The following NACC2 variants were observed in gnomAD, a reference collection of about 807,000 sequenced individuals.
NACC2 encodes the protein NACC family member 2.
NACC2 carries 8 observed loss-of-function variants against 25.1 expected under a neutral mutation model. The ratio of observed to expected loss-of-function variants is 0.32; its 90% confidence interval spans 0.19 to 0.57. The LOEUF is 0.57. NACC2 is among the 20% of genes least tolerant of loss of function. NACC2 has a pLI of 0.89. For missense variants in NACC2, 644 were observed against 650.2 expected (o/e 0.99, Z 0.10); for synonymous variants, 435 against 294.7 (o/e 1.48, Z -4.88).
chr9:136,042,046 G>A (rs1225320340), intron 2 of NACC2, among the ~76,000 whole-genome samples: 1 of 152,124 alleles, frequency 6.6e-6, no homozygotes, highest in Non-Finnish European at 1.5e-5. Context: ...CCAGGCTGGA[G>A]TGCACGATCT....
At chr9:136,071,106 G>A (rs908857367) in intron 1 of NACC2, among the ~76,000 whole-genome samples, 2 of 151,590 alleles carry the variant, frequency 1.3e-5, no homozygotes, top group African/African-American at 4.9e-5. Context: ...GGTGGCTCAT[G>A]CCTGTAATCC....
chr9:136,035,815 GAGC>G (rs1050222816), intron 2 of NACC2, among the ~76,000 whole-genome samples: 2 of 152,158 alleles, frequency 1.3e-5, no homozygotes, highest in African/African-American at 4.8e-5. Context: ...AAGAATGACA[GAGC>G]AGATGTGGTA....
chr9:136,078,967 C>G (rs1423122134), intron 1 of NACC2, among the ~76,000 whole-genome samples: 1 of 152,236 alleles, frequency 6.6e-6, no homozygotes, highest in Non-Finnish European at 1.5e-5. Context: ...GGCATGATGC[C>G]GCGCCGCCGC....
chr9:136,013,165 G>GGCCCC lies in NACC2; in HGVS notation c.1255+33_1255+34insGGGGC. 1.4e-6 allele frequency: 1 copy of GGCCCC among 706,962 alleles called. No individual in the cohort carries two copies. The highest frequency in any genetic ancestry group is 2.6e-6 in the Non-Finnish European group (1 of 391,586). The allele number at this position is 706,962 out of a possible 1,614,324, so 43.8% of individuals were successfully genotyped here. The stretch of plus-strand genomic sequence containing the variant: ...AGGCTGGGATCTGAACCCAGCCCCG[G>GGCCCC]CCCCACCCACCCGAGAGACCCCCAG... On this transcript the variant is annotated intron_variant, in intron 5 of 5. Transcript: ENST00000277554. This position sits in a 1 kb window ranked among gnomAD's most constrained non-coding sequence, Gnocchi z 6.6.
At position 136,016,379 on chromosome 9, in the gene NACC2, T is replaced by G. The variant is rs771779799; in HGVS notation, c.937A>C (p.Ile313Leu). ...GGTAGGGCCACGAGGTCGCGGCGGA[T>G]GAGGACGCAGGAGCGGCTCTCCAGC... The part of the protein sequence containing the change: ...VPLESRSCVL[I>L]RRDLVALPAS... The change falls in exon 3 of 6, where the codon ATC (isoleucine) becomes CTC (leucine). Residue 313 changes from isoleucine (I) to leucine (L), a missense_variant. By Grantham distance (5) the Ile-to-Leu change is conservative. Coordinates refer to ENST00000277554, the MANE Select transcript of NACC2 (RefSeq NM_144653.5). The G allele has an allele frequency of 5.6e-6, 9 of 1,611,510 alleles. No individual in the cohort carries two copies. Among genetic ancestry groups the G allele is most frequent in the South Asian group, 2.2e-5 (2 of 91,014 alleles).
intron 2 of NACC2, among the ~76,000 whole-genome samples, chr9:136,024,098 T>A (rs1840337822): frequency 6.8e-6 from 1 of 147,168 alleles, no homozygotes; most frequent in Non-Finnish European, 1.5e-5. Flanking sequence ...CCAGAGTGTG[T>A]GTGTGTGTGG....
At chr9:136,078,078 T>C (rs1253881565) in intron 1 of NACC2, among the ~76,000 whole-genome samples, 1 of 152,200 alleles carries the variant, frequency 6.6e-6, no homozygotes, top group African/African-American at 2.4e-5. Flanking sequence ...GGCCCAATCA[T>C]ACTTTTATAA....
rs188333959 is a variant in NACC2, at chr9:136,021,710, T to C, written c.887-5281A>G. ...CAGGCTAGACGCAGCCCGGATGTCC[T>C]GCAATGGGCATGCAGATAAAGACAC... On this transcript the variant is annotated intron_variant, in intron 2 of 5. Coordinates refer to ENST00000277554, the MANE Select transcript of NACC2 (RefSeq NM_144653.5). Among the ~76,000 whole-genome samples the C allele has an allele frequency of 1.3e-3, 193 of 152,346 alleles. 2 individuals are homozygous for C. Among genetic ancestry groups the C allele is most frequent in the East Asian group, 4.2e-3 (22 of 5,192 alleles).
intron 5 of NACC2, among the ~76,000 whole-genome samples, chr9:136,012,390 G>A (rs1166742786): frequency 4.6e-5 from 7 of 152,218 alleles, no homozygotes; most frequent in Admixed American, 1.3e-4. Context: ...ACCCCTCCCC[G>A]TCCCAGTCCC....
intron 1 of NACC2, among the ~76,000 whole-genome samples, chr9:136,069,582 AAAAACACCT>A (rs1841127359): frequency 6.6e-6 from 1 of 151,244 alleles, no homozygotes; most frequent in African/African-American, 2.5e-5. Flanking sequence ...ACAAAACAAA[AAAAACACCT>A]CACTTCAAAT....
intron 1 of NACC2, among the ~76,000 whole-genome samples, chr9:136,085,523 AT>A (rs1238980587): frequency 1.3e-5 from 2 of 152,090 alleles, no homozygotes; most frequent in African/African-American, 4.8e-5. Flanking sequence ...AAAGTTTTTA[AT>A]TAAATTTAAA....
intron 2 of NACC2, among the ~76,000 whole-genome samples, chr9:136,021,146 T>C (rs1265906051): frequency 6.6e-6 from 1 of 152,188 alleles, no homozygotes; most frequent in Non-Finnish European, 1.5e-5. Flanking sequence ...ACAAAGGACT[T>C]GTATCTAAAA....
At chr9:136,050,935 G>C (rs1253947409) in intron 1 of NACC2, among the ~76,000 whole-genome samples, 1 of 152,184 alleles carries the variant, frequency 6.6e-6, no homozygotes, top group Admixed American at 6.5e-5. Context: ...GGGCCGCCGG[G>C]GGAGCCTCTG....
chr9:136,076,767 G>A (rs1337894860), intron 1 of NACC2, among the ~76,000 whole-genome samples: 1 of 152,154 alleles, frequency 6.6e-6, no homozygotes, highest in African/African-American at 2.4e-5. Context: ...TCAGCACTTT[G>A]GGAGGCTGAG....
At chr9:136,071,043 A>G (rs567421571) in intron 1 of NACC2, among the ~76,000 whole-genome samples, 2 of 151,396 alleles carry the variant, frequency 1.3e-5, no homozygotes, top group South Asian at 2.1e-4. Context: ...CAGTCTGGCC[A>G]ACACAGTGAA....
intron 5 of NACC2, among the ~76,000 whole-genome samples, chr9:136,012,414 G>A (rs1840125775): frequency 6.6e-6 from 1 of 152,280 alleles, no homozygotes; most frequent in South Asian, 2.1e-4. Flanking sequence ...CTGGAGGAGG[G>A]GAGTGACAGA....
At chr9:136,023,527 C>T (rs948122645) in intron 2 of NACC2, among the ~76,000 whole-genome samples, 3 of 152,178 alleles carry the variant, frequency 2.0e-5, no homozygotes, top group Non-Finnish European at 4.4e-5. Context: ...ATTTTATCTC[C>T]TGCAAATCCC....
chr9:136,052,411 C>T (rs1840858995), intron 1 of NACC2, among the ~76,000 whole-genome samples: 1 of 123,418 alleles, frequency 8.1e-6, no homozygotes, highest in African/African-American at 3.2e-5. Flanking sequence ...ACTCCTCCAG[C>T]GAGGGTGGGG....
intron 2 of NACC2, among the ~76,000 whole-genome samples, chr9:136,016,682 C>T (rs531429832): frequency 2.3e-3 from 344 of 152,292 alleles, no homozygotes; most frequent in Admixed American, 3.8e-3. Context: ...AACGAGTGAG[C>T]AGAAGATGTG....
Sources: gnomAD v4.1 joint callset for allele counts (sites outside exome capture counted in the v4.1 genomes callset) on GRCh38, gnomAD v4.1.1 for gene constraint, Gnocchi (gnomAD v3.1) non-coding constraint, MANE v1.5 for transcripts, NCBI Gene and HGNC (gene_info 2026-07-23, HGNC 2026-07-21) for gene names.